The following VRTN variants were observed in gnomAD, a reference collection of about 807,000 sequenced individuals.
VRTN encodes vertebrae development associated.
Under a neutral mutation model 18.2 loss-of-function variants are expected in VRTN, and 5 were observed. The observed-to-expected ratio is 0.27, with a 90% CI of 0.14 to 0.58. VRTN has a LOEUF of 0.58. Ranked by LOEUF, VRTN falls within the 20% of genes least tolerant of loss-of-function variation. The probability of loss-of-function intolerance (pLI) is 0.91; values close to 1 mark genes in which losing one functional copy is unlikely to be tolerated. For missense variants in VRTN, 741 were observed against 939.4 expected, an observed-to-expected ratio of 0.79 and a Z score of 2.76; for synonymous variants, 381 against 393.7, an observed-to-expected ratio of 0.97 and a Z score of 0.38.
intron 1 of VRTN, among the ~76,000 whole-genome samples, chr14:74,321,304 G>A (rs2085454414): frequency 6.6e-6 from 1 of 152,112 alleles, no homozygotes; most frequent in African/African-American, 2.4e-5. Flanking sequence ...GAGGCATTTT[G>A]TATGATTATT....
At chr14:74,347,611 C>T (rs1278872199), upstream of VRTN, among the ~76,000 whole-genome samples, 2 of 152,214 alleles carry the variant, frequency 1.3e-5, no homozygotes, top group Non-Finnish European at 2.9e-5. Context: ...GGGTTAAAGC[C>T]AGGCTGGAAA....
In VRTN at chr14:74,357,762, G is replaced by A; in HGVS notation, c.979G>A (p.Gly327Arg). Residue 327 changes from glycine to arginine, a missense_variant, in exon 2 of 2, where the codon GGG (glycine) becomes AGG (arginine). Gly to Arg is a moderately radical substitution (Grantham distance 125). Transcript: ENST00000256362. The surrounding 1 kb of genome is among the most constrained non-coding windows in gnomAD (Gnocchi z 7.8). ...KHFLQDSFHR[G>R]GVVPLQQFLQ... The stretch of plus-strand genomic sequence containing the variant: ...CTTCCTGCAGGACAGCTTCCACCGG[G>A]GGGGCGTCGTGCCACTTCAGCAGTT... The A allele has an allele frequency of 2.5e-6, 4 of 1,613,150 alleles. No individual in the cohort carries two copies. The highest frequency in any genetic ancestry group is 3.4e-6 in the Non-Finnish European group (4 of 1,180,036).
At chr14:74,346,138 T>TA (rs1035937568), upstream of VRTN, among the ~76,000 whole-genome samples, 1,531 of 142,484 alleles carry the variant, frequency 0.011, 19 homozygotes, top group African/African-American at 0.035. Flanking sequence ...CTGTTTCTAT[T>TA]AAAAAAAAAA....
chr14:74,355,760 C>G (rs775879485), intron 1 of VRTN, among the ~76,000 whole-genome samples: 7 of 151,560 alleles, frequency 4.6e-5, no homozygotes, highest in Non-Finnish European at 7.4e-5. Context: ...AGGCTGGCCT[C>G]AAACTCCTGA....
chr14:74,307,333 T>C (rs1361932073), intron 1 of VRTN, among the ~76,000 whole-genome samples: 1 of 152,016 alleles, frequency 6.6e-6, no homozygotes, highest in Non-Finnish European at 1.5e-5. Context: ...TTTCACCATG[T>C]TGGCTAGGCT....
intron 1 of VRTN, among the ~76,000 whole-genome samples, chr14:74,307,124 A>G (rs945282142): frequency 1.4e-5 from 2 of 147,706 alleles, no homozygotes; most frequent in African/African-American, 2.5e-5. Context: ...ATACATTCTT[A>G]ACTGTTGTGG....
intron 1 of VRTN, among the ~76,000 whole-genome samples, chr14:74,350,820 C>T (rs1012312445): frequency 6.6e-6 from 1 of 152,148 alleles, no homozygotes. Context: ...ACAAAATTAC[C>T]ACTGAAAAGC....
At position 74,357,968 on chromosome 14, in the gene VRTN, A is replaced by T. The variant is rs1595177863; in HGVS notation, c.1185A>T (p.Ser395=). 6.2e-7 allele frequency: 1 copy of T among 1,614,186 alleles called. No individual in the cohort carries two copies. Among genetic ancestry groups the T allele is most frequent in the Non-Finnish European group, 8.5e-7 (1 of 1,180,048 alleles). Residue 395 remains serine (S), a synonymous_variant, in exon 2 of 2, where the codon TCA becomes TCT. Transcript: ENST00000256362. This position sits in a 1 kb window ranked among gnomAD's most constrained non-coding sequence, Gnocchi z 7.8. The stretch of plus-strand genomic sequence containing the variant: ...TGGAGTGCTCCGCACTGGCGGTGTC[A>T]AGCCCTGGAATGGTCTTAATGCAGC... The part of the protein sequence containing the change: ...EELECSALAV[S]SPGMVLMQRA...
At chr14:74,304,765 C>G (rs2085314332) in intron 1 of VRTN, among the ~76,000 whole-genome samples, 1 of 152,144 alleles carries the variant, frequency 6.6e-6, no homozygotes. Context: ...AGGCATTTAA[C>G]TCAGCATGGG....
At position 74,348,841 on chromosome 14, in the gene VRTN, A is replaced by C. The variant is rs923389256; in HGVS notation, c.-2+189A>C. Among the ~76,000 whole-genome samples the C allele has an allele frequency of 2.0e-5, 3 of 151,268 alleles. No homozygotes were observed. The Middle Eastern group carries it at 0.01, about 515-fold the overall frequency. On this transcript the variant is annotated intron_variant, in intron 1 of 1. Coordinates refer to ENST00000256362, the MANE Select transcript of VRTN (RefSeq NM_018228.3). Reference sequence around the variant, plus strand: ...TAGAGGGAGAGGACGCATTGTTTCAAGCTCTCTTTCTCCCCACCCCCACCT... The same window carrying C: ...TAGAGGGAGAGGACGCATTGTTTCACGCTCTCTTTCTCCCCACCCCCACCT...
chr14:74,307,875 G>A (rs1035062261), intron 1 of VRTN, among the ~76,000 whole-genome samples: 24 of 151,892 alleles, frequency 1.6e-4, no homozygotes, highest in African/African-American at 5.3e-4. Flanking sequence ...GACTACAGGC[G>A]TCCACCAGCA....
chr14:74,347,792 G>A (rs1429932780), upstream of VRTN, among the ~76,000 whole-genome samples: 4 of 152,196 alleles, frequency 2.6e-5, no homozygotes, highest in Non-Finnish European at 5.9e-5. Context: ...CTTTCAGTGG[G>A]GCTCAGTAAG....
intron 1 of VRTN, among the ~76,000 whole-genome samples, chr14:74,322,795 AT>A (rs1183114230): frequency 6.6e-6 from 1 of 152,152 alleles, no homozygotes; most frequent in Non-Finnish European, 1.5e-5. Flanking sequence ...CAAACAATAA[AT>A]ATCTGTCAGG....
At position 74,336,113 on chromosome 14, in the gene VRTN, A is replaced by G. The variant is rs146946075; in HGVS notation, c.-163-1610A>G. On this transcript the variant is annotated intron_variant, in intron 1 of 2. Coordinates refer to the VRTN transcript ENST00000557177. ...AAATGCAAACAAAACTGAAGTGTGCAAAGTAAAAAAGCTGGCCAGGTGCGG... is the reference window on the plus strand; with the variant it reads ...AAATGCAAACAAAACTGAAGTGTGCGAAGTAAAAAAGCTGGCCAGGTGCGG... Among the ~76,000 whole-genome samples the G allele has an allele frequency of 2.7e-4, 41 of 151,980 alleles. 3 individuals are homozygous for G. In the East Asian group the frequency reaches 8.0e-3, roughly 30 times the overall value.
chr14:74,336,806 G>T (rs530877881), intron 1 of VRTN, among the ~76,000 whole-genome samples: 7 of 151,860 alleles, frequency 4.6e-5, no homozygotes, highest in Non-Finnish European at 8.8e-5. Context: ...AATTTTTTTC[G>T]CTATTTTCCT....
Position 74,329,108 on chromosome 14 carries a change from T to TA in VRTN, c.-163-8605dup, listed in dbSNP as rs879651021. ...CAACATGGAGAAACTCTGTCTCTAC[T>TA]AAAAAAAAAATACAAAATTAGCTGG... On this transcript the variant is annotated intron_variant, in intron 1 of 2. Transcript: ENST00000557177. 1.7e-3 allele frequency among the ~76,000 whole-genome samples: 250 copies of TA among 148,200 alleles called. 1 individual carries two copies. The highest frequency in any genetic ancestry group is 5.7e-3 in the African/African-American group (231 of 40,584).
At chr14:74,347,826 C>T (rs965957368), upstream of VRTN, among the ~76,000 whole-genome samples, 4 of 152,218 alleles carry the variant, frequency 2.6e-5, no homozygotes, top group Non-Finnish European at 4.4e-5. Context: ...GATAGGCCCC[C>T]TGGCTCCTAA....
intron 1 of VRTN, among the ~76,000 whole-genome samples, chr14:74,310,541 T>G (rs1053049729): frequency 1.3e-5 from 2 of 149,706 alleles, no homozygotes; most frequent in Admixed American, 6.7e-5. Context: ...CTGTTTTTTT[T>G]TTTTTTTTTT....
intron 1 of VRTN, among the ~76,000 whole-genome samples, chr14:74,303,597 T>C (rs1044225135): frequency 7.9e-5 from 12 of 152,072 alleles, no homozygotes; most frequent in African/African-American, 1.4e-4. Context: ...AGATAGATAG[T>C]TGAATGAATG....
Sources: gnomAD v4.1 joint callset for allele counts (sites outside exome capture counted in the v4.1 genomes callset) on GRCh38, gnomAD v4.1.1 for gene constraint, Gnocchi (gnomAD v3.1) non-coding constraint, MANE v1.5 for transcripts, NCBI Gene and HGNC (gene_info 2026-07-23, HGNC 2026-07-21) for gene names.